The following WRN variants were observed in gnomAD, a reference collection of about 807,000 sequenced individuals.
The protein encoded by WRN is bifunctional 3'-5' exonuclease/ATP-dependent helicase WRN.
Under a neutral mutation model 180.7 loss-of-function variants are expected in WRN, and 149 were observed. That is an observed-to-expected ratio of 0.82 (90% CI 0.72 to 0.94). WRN has a LOEUF of 0.94. Among genes scored for constraint, WRN ranks in the 40% least tolerant of loss-of-function variants. The pLI is 0.00. For synonymous variants in WRN, 548 were observed against 568.9 expected (o/e 0.96, Z 0.52); for missense variants, 1,661 against 1,700.1 (o/e 0.98, Z 0.40).
rs184732852 is a variant in WRN, at chr8:31,107,308, T to C, written c.2089-4307T>C. Among the ~76,000 whole-genome samples, 5 of 152,334 alleles carry C rather than the reference T, an allele frequency of 3.3e-5. No homozygotes were observed. The East Asian group carries it at 5.8e-4, about 18-fold the overall frequency. ...TGGAAACTAGGAAGATTACTTTCTG[T>C]AATCCTTTCCTAGGCCTTTGATTCT... On this transcript the variant is annotated intron_variant, in intron 18 of 34. Coordinates refer to ENST00000298139, the MANE Select transcript of WRN (RefSeq NM_000553.6).
intron 7 of WRN, among the ~76,000 whole-genome samples, chr8:31,075,420 ATTTTATTTTGGCCGGGGGTGGCAG>A (rs1335614290): frequency 2.0e-5 from 3 of 152,086 alleles, no homozygotes; most frequent in Non-Finnish European, 2.9e-5. Flanking sequence ...AAAGGCTTAC[ATTTTATTTTGGCCGGGGGTGGCAG>A]CTCATGCCTG....
intron 14 of WRN, 48 bp from the exon 15 acceptor site, chr8:31,090,786 T>G: frequency 6.9e-7 from 1 of 1,447,402 alleles, no homozygotes; most frequent in Non-Finnish European, 9.5e-7. Context: ...GGTTTATTTT[T>G]ATTTCTATAT....
intron 26 of WRN, among the ~76,000 whole-genome samples, chr8:31,142,096 C>T (rs532163231): frequency 1.7e-4 from 26 of 152,190 alleles, no homozygotes; most frequent in Non-Finnish European, 3.2e-4. Context: ...ACATGCACTA[C>T]TATGCCCAGC....
intron 8 of WRN, among the ~76,000 whole-genome samples, chr8:31,080,452 C>CT (rs11395807): frequency 0.79 from 116,631 of 146,954 alleles, 46,098 homozygotes; most frequent in East Asian, 0.87. Context: ...TATCAAACAC[C>CT]TTTTTTTTTT....
chr8:31,112,107 C>T (rs1028152046), intron 19 of WRN, among the ~76,000 whole-genome samples: 1 of 152,084 alleles, frequency 6.6e-6, no homozygotes, highest in African/African-American at 2.4e-5. Context: ...GACAGGGTCT[C>T]TCTGTCGTCC....
intron 7 of WRN, among the ~76,000 whole-genome samples, chr8:31,069,567 A>G (rs556790712): frequency 6.6e-6 from 1 of 152,356 alleles, no homozygotes; most frequent in East Asian, 1.9e-4. Flanking sequence ...GGCATTTTAT[A>G]AGGTATTATA....
At chr8:31,171,794 A>G (rs1231723930) in intron 34 of WRN, among the ~76,000 whole-genome samples, 1 of 152,356 alleles carries the variant, frequency 6.6e-6, no homozygotes, top group East Asian at 1.9e-4. Context: ...AACATAGGGA[A>G]TATAATCAAA....
intron 19 of WRN, among the ~76,000 whole-genome samples, chr8:31,112,113 C>T (rs535467602): frequency 6.6e-6 from 1 of 152,046 alleles, no homozygotes; most frequent in East Asian, 1.9e-4. Context: ...GTCTCTCTGT[C>T]GTCCAGGCTG....
At chr8:31,080,524 G>GTT (rs760769903) in intron 8 of WRN, among the ~76,000 whole-genome samples, 2 of 130,824 alleles carry the variant, frequency 1.5e-5, no homozygotes, top group African/African-American at 2.8e-5. Context: ...ATGAAATAGG[G>GTT]TTTTTTTTTT....
chr8:31,044,383 G>T (rs1330100569), intron 1 of WRN, among the ~76,000 whole-genome samples: 1 of 109,860 alleles, frequency 9.1e-6, no homozygotes, highest in Non-Finnish European at 1.7e-5. Context: ...TTGAGATAGA[G>T]TCTCACTCTG....
At chr8:31,146,261 T>A (rs1027475234) in intron 28 of WRN, among the ~76,000 whole-genome samples, 2 of 150,420 alleles carry the variant, frequency 1.3e-5, no homozygotes, top group East Asian at 3.9e-4. Flanking sequence ...TATAATTATA[T>A]TTCGTCATAT....
rs373335778 is a variant in WRN, at chr8:31,143,485, ATTTTC to A, written c.3310-62_3310-58del. 3.2e-5 allele frequency: 36 copies of A among 1,134,584 alleles called. 3 individuals are homozygous for A. The highest frequency in any genetic ancestry group is 2.8e-4 in the African/African-American group (18 of 64,036). The allele number at this position is 1,134,584 out of a possible 1,614,324, so 70.3% of individuals were successfully genotyped here. On this transcript the variant is annotated intron_variant, in intron 27 of 34. Transcript: ENST00000298139. ...TGTGATTTTGAGATTTTTGTTTCTT[ATTTTC>A]TTCACATTTAAAAGTTTTTTGAAAC...
intron 2 of WRN, 77 bp from the exon 3 acceptor site, chr8:31,059,076 G>A: frequency 9.2e-7 from 1 of 1,086,188 alleles, no homozygotes; most frequent in Non-Finnish European, 1.4e-6. Flanking sequence ...GAATGCTTCA[G>A]TGAACTTTAT....
intron 1 of WRN, among the ~76,000 whole-genome samples, chr8:31,057,029 C>A (rs1437181342): frequency 6.6e-6 from 1 of 151,962 alleles, no homozygotes; most frequent in African/African-American, 2.4e-5. Context: ...TGTACAATAG[C>A]GATGGAGTTT....
At chr8:31,081,351 T>C (rs1216416991) in intron 9 of WRN, 55 bp downstream of exon 9, 3 of 1,576,428 alleles carry the variant, frequency 1.9e-6, no homozygotes, top group East Asian at 4.5e-5. Flanking sequence ...TGGCAGACTT[T>C]ATTCCCGTAA....
Position 31,094,152 on chromosome 8 carries a change from A to T in WRN, c.1898+2254A>T, listed in dbSNP as rs192361212. Among the ~76,000 whole-genome samples the T allele has an allele frequency of 1.1e-3, 170 of 152,300 alleles. 2 individuals are homozygous for T. Among genetic ancestry groups the T allele is most frequent in the Non-Finnish European group, 1.6e-4 (11 of 68,022 alleles). On this transcript the variant is annotated intron_variant, in intron 16 of 34. Transcript: ENST00000298139. ...TGGAACATGTGATGCATATATGTTT[A>T]ACTTTCTTTTTTCTAATTGAGATAA...
intron 28 of WRN, among the ~76,000 whole-genome samples, chr8:31,144,726 T>C (rs1356721742): frequency 6.6e-6 from 1 of 152,164 alleles, no homozygotes; most frequent in African/African-American, 2.4e-5. Context: ...GAGGAAGCCA[T>C]GTCGAAAGCT....
chr8:31,164,663 AG>A (rs1388148128), intron 33 of WRN, among the ~76,000 whole-genome samples: 1 of 152,200 alleles, frequency 6.6e-6, no homozygotes, highest in Non-Finnish European at 1.5e-5. Flanking sequence ...TAATAAATTA[AG>A]GCATTGAATG....
intron 8 of WRN, 35 bp downstream of exon 8, chr8:31,076,322 C>T (rs768045519): frequency 1.3e-6 from 2 of 1,502,248 alleles, no homozygotes; most frequent in Non-Finnish European, 1.8e-6. Flanking sequence ...TAACTTAAAT[C>T]AATTCTGTTT....
Sources: gnomAD v4.1 joint callset for allele counts (sites outside exome capture counted in the v4.1 genomes callset) on GRCh38, gnomAD v4.1.1 for gene constraint, MANE v1.5 for transcripts, NCBI Gene and HGNC (gene_info 2026-07-23, HGNC 2026-07-21) for gene names.